The following LRBA variants were observed in gnomAD, a reference collection of about 807,000 sequenced individuals.
The protein encoded by LRBA is LPS responsive beige-like anchor protein.
Under a neutral mutation model 330.0 loss-of-function variants are expected in LRBA, and 176 were observed. The ratio of observed to expected loss-of-function variants is 0.53; its 90% CI spans 0.47 to 0.60. The LOEUF (loss-of-function observed/expected upper bound fraction) is 0.60. LRBA is among the 20% of genes least tolerant of loss of function. The pLI, the probability that LRBA is intolerant of heterozygous loss-of-function variation, is 0.00. For synonymous variants in LRBA, 1,230 were observed against 1,193.0 expected, an observed-to-expected ratio of 1.03 and a Z score of -0.64; for missense variants, 3,259 against 3,444.8, an observed-to-expected ratio of 0.95 and a Z score of 1.35.
At chr4:150,864,270 C>A (rs1466821367) in intron 22 of LRBA, among the ~76,000 whole-genome samples, 1 of 152,010 alleles carries the variant, frequency 6.6e-6, no homozygotes, top group African/African-American at 2.4e-5. Context: ...TTAAGGTCCC[C>A]AAAGACTCTT....
chr4:150,307,425 T>C (rs998536622), intron 52 of LRBA, among the ~76,000 whole-genome samples: 4 of 152,100 alleles, frequency 2.6e-5, no homozygotes, highest in African/African-American at 9.7e-5. Context: ...GTAAAATTCA[T>C]TTTCATGTTT....
At position 150,737,084 on chromosome 4, in the gene LRBA, A is replaced by T. The variant is rs146118705; in HGVS notation, c.5646-1718T>A. 8.5e-5 allele frequency among the ~76,000 whole-genome samples: 13 copies of T among 152,176 alleles called. No individual in the cohort carries two copies. The East Asian group carries it at 2.5e-3, about 29-fold the overall frequency. ...TTTTTTTTAATTAGCGAGGCATGGT[A>T]GTGCATGCCTATGGTCCCAGCTACT... On this transcript the variant is annotated intron_variant, in intron 35 of 56. Transcript: ENST00000651943.
intron 37 of LRBA, among the ~76,000 whole-genome samples, chr4:150,601,003 G>T (rs1353678432): frequency 2.6e-5 from 4 of 152,160 alleles, no homozygotes; most frequent in African/African-American, 9.7e-5. Context: ...TACAATGAGG[G>T]TCTATTCATC....
intron 40 of LRBA, among the ~76,000 whole-genome samples, chr4:150,552,369 T>C (rs1766718853): frequency 1.3e-5 from 2 of 152,126 alleles, no homozygotes; most frequent in African/African-American, 4.8e-5. Context: ...AAGAAGACAT[T>C]TATGCAGCCA....
At chr4:150,878,152 G>A (rs1314632812) in intron 17 of LRBA, among the ~76,000 whole-genome samples, 1 of 151,394 alleles carries the variant, frequency 6.6e-6, no homozygotes, top group Non-Finnish European at 1.5e-5. Flanking sequence ...GGCCAACATG[G>A]TGAAACCCTG....
intron 2 of LRBA, among the ~76,000 whole-genome samples, chr4:150,997,941 T>C (rs1169977063): frequency 6.6e-6 from 1 of 152,234 alleles, no homozygotes; most frequent in East Asian, 1.9e-4. Flanking sequence ...TGACCTCAAG[T>C]GATCCGCCCA....
At chr4:150,889,870 C>A (rs1319314500) in intron 17 of LRBA, among the ~76,000 whole-genome samples, 1 of 151,750 alleles carries the variant, frequency 6.6e-6, no homozygotes, top group Non-Finnish European at 1.5e-5. Flanking sequence ...AGGAAAGTAA[C>A]CACAGACAAT....
At chr4:150,943,009 T>C (rs978709933) in intron 2 of LRBA, among the ~76,000 whole-genome samples, 1 of 152,182 alleles carries the variant, frequency 6.6e-6, no homozygotes, top group Admixed American at 6.5e-5. Flanking sequence ...TCCCCAAACA[T>C]ACTACAAAAT....
At chr4:150,757,995 T>A (rs1204801721) in intron 35 of LRBA, among the ~76,000 whole-genome samples, 1 of 152,182 alleles carries the variant, frequency 6.6e-6, no homozygotes, top group Admixed American at 6.5e-5. Context: ...ATGAAAATGA[T>A]AACAGATGAT....
intron 40 of LRBA, among the ~76,000 whole-genome samples, chr4:150,527,302 T>C (rs1763582673): frequency 1.3e-5 from 2 of 152,186 alleles, no homozygotes; most frequent in South Asian, 4.1e-4. Context: ...GCTCTGTACC[T>C]GAGGGAAGTA....
At chr4:150,485,262 T>C (rs1504786) in intron 42 of LRBA, among the ~76,000 whole-genome samples, 92,988 of 151,738 alleles carry the variant, frequency 0.61, 31,436 homozygotes, top group Non-Finnish European at 0.75. Context: ...ACTTTTGTCT[T>C]ATGAATTTTG....
chr4:150,264,571 C>A lies in LRBA; in HGVS notation c.*1151G>T, dbSNP rs1478296097. 2 of 152,214 alleles carry A rather than the reference C, an allele frequency of 1.3e-5. No homozygotes were observed. Among genetic ancestry groups the A allele is most frequent in the African/African-American group, 4.8e-5 (2 of 41,384 alleles). The allele number at this position is 152,214 out of a possible 1,614,324, so 9.4% of individuals were successfully genotyped here. The stretch of plus-strand genomic sequence containing the variant: ...TTCTGTCAAACTGAATTGTTCATTC[C>A]AAATCCTTGCTTTTAGAGAAGAGCT... On this transcript the variant is annotated 3_prime_UTR_variant, in exon 57 of 57. Transcript: ENST00000651943.
intron 36 of LRBA, among the ~76,000 whole-genome samples, chr4:150,703,565 A>C (rs1785319083): frequency 6.6e-6 from 1 of 152,184 alleles, no homozygotes; most frequent in Non-Finnish European, 1.5e-5. Flanking sequence ...GTCACCAATA[A>C]TTTCAAAACA....
intron 17 of LRBA, among the ~76,000 whole-genome samples, chr4:150,887,758 G>C (rs1480787639): frequency 8.6e-6 from 1 of 116,148 alleles, no homozygotes; most frequent in Admixed American, 1.1e-4. Context: ...AACAGAGCAC[G>C]ACTCCGTCTC....
chr4:150,639,217 G>C (rs1401060563), intron 37 of LRBA, among the ~76,000 whole-genome samples: 9 of 140,832 alleles, frequency 6.4e-5, no homozygotes, highest in Non-Finnish European at 1.2e-4. Flanking sequence ...GTAGGGGAAG[G>C]GGGGAGGGGG....
At chr4:150,395,065 A>G (rs910381366) in intron 47 of LRBA, among the ~76,000 whole-genome samples, 1 of 152,206 alleles carries the variant, frequency 6.6e-6, no homozygotes, top group Non-Finnish European at 1.5e-5. Context: ...CTACTGTGGT[A>G]AAAATGAGCC....
intron 46 of LRBA, among the ~76,000 whole-genome samples, chr4:150,431,308 A>C (rs1325891579): frequency 6.6e-6 from 1 of 152,170 alleles, no homozygotes; most frequent in East Asian, 1.9e-4. Flanking sequence ...GTTGCTACTA[A>C]TTGTCTGTTT....
intron 44 of LRBA, among the ~76,000 whole-genome samples, chr4:150,440,234 G>C (rs1231460769): frequency 6.6e-6 from 1 of 152,040 alleles, no homozygotes; most frequent in East Asian, 1.9e-4. Flanking sequence ...ATCAGTAAAA[G>C]TAAGTATTGA....
chr4:150,587,153 A>T (rs1772210760), intron 40 of LRBA, among the ~76,000 whole-genome samples: 1 of 152,290 alleles, frequency 6.6e-6, no homozygotes, highest in African/African-American at 2.4e-5. Flanking sequence ...AAACAAAATT[A>T]TAATATTTTC....
Sources: allele counts gnomAD v4.1 joint callset (sites outside exome capture counted in the v4.1 genomes callset), GRCh38; gene constraint gnomAD v4.1.1; transcripts MANE v1.5; gene names NCBI Gene and HGNC (gene_info 2026-07-23, HGNC 2026-07-21).